The following GLT1D1 variants were observed in gnomAD, a reference collection of about 807,000 sequenced individuals.
The protein encoded by GLT1D1 is glycosyltransferase 1 domain-containing protein 1.
GLT1D1 carries 21 observed loss-of-function variants against 28.7 expected under a neutral mutation model. That is an observed-to-expected ratio of 0.73 (90% CI 0.52 to 1.05). The LOEUF is 1.05. Among genes scored for constraint, GLT1D1 ranks in the 50% least tolerant of loss-of-function variants. The pLI is 0.00. For missense variants in GLT1D1, 343 were observed against 330.6 expected (o/e 1.04, Z -0.29); for synonymous variants, 147 against 124.8 (o/e 1.18, Z -1.19).
chr12:128,899,409 T>A, intron 4 of GLT1D1, 122 bp downstream of exon 4: 1 of 788,456 alleles, frequency 1.3e-6, no homozygotes, highest in Non-Finnish European at 2.3e-6. Context: ...GCGGCCACAA[T>A]AGTGTATTAT....
At chr12:128,877,428 T>C (rs1179409290) in intron 2 of GLT1D1, among the ~76,000 whole-genome samples, 1 of 152,248 alleles carries the variant, frequency 6.6e-6, no homozygotes, top group Non-Finnish European at 1.5e-5. Flanking sequence ...TTCCACACTG[T>C]ATCAAACCTT....
chr12:128,897,877 C>G (rs943015309), intron 3 of GLT1D1, among the ~76,000 whole-genome samples: 1 of 152,022 alleles, frequency 6.6e-6, no homozygotes, highest in Non-Finnish European at 1.5e-5. Flanking sequence ...ACGGTGTTAG[C>G]CAGGTGGTCT....
intron 5 of GLT1D1, 48 bp downstream of exon 9, chr12:128,945,417 T>G: frequency 2.7e-6 from 4 of 1,484,530 alleles, no homozygotes; most frequent in Non-Finnish European, 3.8e-6. Context: ...GAAGCCTGAG[T>G]GGCCCCTGGG....
At chr12:128,980,888 G>A (rs973402916) in intron 7 of GLT1D1, among the ~76,000 whole-genome samples, 1 of 152,234 alleles carries the variant, frequency 6.6e-6, no homozygotes, top group African/African-American at 2.4e-5. Context: ...ATCGCAAAGA[G>A]ATGTGCATAC....
chr12:128,984,487 A>G lies in GLT1D1; in HGVS notation c.*1397A>G, dbSNP rs1880606396. 2 of 152,230 alleles carry G rather than the reference A, an allele frequency of 1.3e-5. No homozygotes were observed. Among genetic ancestry groups the G allele is most frequent in the Admixed American group, 6.5e-5 (1 of 15,282 alleles). 9.4% of individuals were successfully genotyped at this position (152,230 alleles called of 1,614,324 possible). On this transcript the variant is annotated 3_prime_UTR_variant, in exon 8 of 8. Transcript: ENST00000281703. ...CATTCCGCTGCCTCCATCATGTAAT[A>G]GAATCGCTTTCCAGAAAGGCAGTTA...
intron 2 of GLT1D1, among the ~76,000 whole-genome samples, chr12:128,887,243 C>T (rs1468503948): frequency 1.3e-5 from 2 of 151,986 alleles, no homozygotes; most frequent in East Asian, 3.9e-4. Context: ...TCTCAAACTC[C>T]CGGCCTCAGG....
intron 4 of GLT1D1, chr12:128,906,939 T>C (rs1367783203): frequency 1.4e-6 from 1 of 702,584 alleles, no homozygotes; most frequent in East Asian, 2.7e-5. Context: ...CTGTCACAAG[T>C]GCAGTTCCTG....
In GLT1D1 at chr12:128,939,843, C is replaced by CA. The variant is rs1555271970; in HGVS notation, c.376-5483_376-5482insA. ...TGTTGCCAAATTGTTAGAAACCCCC[C>CA]CCCACCGCCGATCCAATCACCTCCT... On this transcript the variant is annotated intron_variant, in intron 4 of 7. Coordinates refer to ENST00000281703, the MANE Select transcript of GLT1D1 (RefSeq NM_144669.3). 2.4e-3 allele frequency among the ~76,000 whole-genome samples: 343 copies of CA among 145,516 alleles called. 24 individuals are homozygous for CA. The highest frequency in any genetic ancestry group is 8.6e-3 in the African/African-American group (327 of 38,094).
intron 6 of GLT1D1, among the ~76,000 whole-genome samples, chr12:128,948,098 G>A (rs192693097): frequency 1.3e-5 from 2 of 152,254 alleles, no homozygotes; most frequent in Admixed American, 6.5e-5. Flanking sequence ...GGCCGTGCTC[G>A]TGAAACCCAG....
chr12:128,957,065 C>T (rs1369290169), intron 6 of GLT1D1, among the ~76,000 whole-genome samples: 3 of 152,192 alleles, frequency 2.0e-5, no homozygotes, highest in African/African-American at 7.2e-5. Context: ...AATGGAAAGT[C>T]GGCTTCGTGA....
chr12:128,972,855 C>A (rs1335649154), intron 7 of GLT1D1, among the ~76,000 whole-genome samples: 1 of 152,160 alleles, frequency 6.6e-6, no homozygotes, highest in Non-Finnish European at 1.5e-5. Context: ...TGTGTGCATC[C>A]ATTGTGCAAT....
At chr12:128,939,712 C>T (rs184538626) in intron 4 of GLT1D1, among the ~76,000 whole-genome samples, 9 of 152,030 alleles carry the variant, frequency 5.9e-5, no homozygotes, top group South Asian at 2.1e-4. Flanking sequence ...GAAGTAGGCG[C>T]GTCTTACATG....
At chr12:128,939,010 G>C (rs141864331) in intron 4 of GLT1D1, among the ~76,000 whole-genome samples, 1 of 152,248 alleles carries the variant, frequency 6.6e-6, no homozygotes, top group Admixed American at 6.5e-5. Context: ...ACCCTAGGAA[G>C]GTCCTCTCAG....
intron 4 of GLT1D1, among the ~76,000 whole-genome samples, chr12:128,932,356 T>A (rs938374026): frequency 1.3e-5 from 2 of 152,100 alleles, no homozygotes; most frequent in Admixed American, 1.3e-4. Flanking sequence ...GAGCTGCACG[T>A]CCAGCCCAGC....
intron 2 of GLT1D1, among the ~76,000 whole-genome samples, chr12:128,884,271 T>G (rs1444531182): frequency 2.0e-5 from 3 of 152,108 alleles, no homozygotes; most frequent in African/African-American, 7.2e-5. Flanking sequence ...CTGGAGGACA[T>G]AATGCGAAAT....
intron 1 of GLT1D1, among the ~76,000 whole-genome samples, chr12:128,860,020 G>A (rs11059980): frequency 0.11 from 17,309 of 152,210 alleles, 1,092 homozygotes; most frequent in South Asian, 0.22. Context: ...AAAGTGTTCA[G>A]GGTGTGTAAG....
Position 128,959,361 on chromosome 12 carries a change from C to T in GLT1D1, c.639+1718C>T, listed in dbSNP as rs543058606. ...TTTCACTGCCTGCTTCTCACAGAGTCGTAAACAAATTCCAGCACAAACAAG... is the reference window on the plus strand; with the variant it reads ...TTTCACTGCCTGCTTCTCACAGAGTTGTAAACAAATTCCAGCACAAACAAG... On this transcript the variant is annotated intron_variant, in intron 7 of 7. Coordinates refer to ENST00000281703, the MANE Select transcript of GLT1D1 (RefSeq NM_144669.3). Among the ~76,000 whole-genome samples, 11 of 146,108 alleles carry T rather than the reference C, an allele frequency of 7.5e-5. No homozygotes were observed. The South Asian group carries it at 2.5e-3, about 33-fold the overall frequency.
intron 2 of GLT1D1, among the ~76,000 whole-genome samples, chr12:128,876,729 G>A (rs142226620): frequency 0.011 from 1,675 of 152,278 alleles, 26 homozygotes; most frequent in African/African-American, 0.037. Context: ...AAACTACTAA[G>A]ATGTTAAAAC....
At chr12:128,883,371 C>G (rs1308640394) in intron 2 of GLT1D1, among the ~76,000 whole-genome samples, 2 of 150,604 alleles carry the variant, frequency 1.3e-5, no homozygotes, top group African/African-American at 4.9e-5. Flanking sequence ...GCGGGGGGAT[C>G]ACAAGGTCAG....
Sources: allele counts gnomAD v4.1 joint callset (sites outside exome capture counted in the v4.1 genomes callset), GRCh38; gene constraint gnomAD v4.1.1; transcripts MANE v1.5; gene names NCBI Gene and HGNC (gene_info 2026-07-23, HGNC 2026-07-21).